Variants in SYT1 observed in about 807,000 individuals in gnomAD.
The protein encoded by SYT1 is synaptotagmin 1.
A neutral mutation model predicts 44.8 loss-of-function variants in SYT1; 8 were observed. That is an observed-to-expected ratio of 0.18 (90% CI 0.10 to 0.32). SYT1 has a LOEUF of 0.32. Among genes scored for constraint, SYT1 ranks in the 10% least tolerant of loss-of-function variants. The pLI is 1.00. For synonymous variants in SYT1, 154 were observed against 188.8 expected (o/e 0.82, Z 1.51); for missense variants, 286 against 509.3 (o/e 0.56, Z 4.22).
At chr12:79,338,085 C>T (rs1882170633) in intron 8 of SYT1, among the ~76,000 whole-genome samples, 1 of 152,134 alleles carries the variant, frequency 6.6e-6, no homozygotes, top group Admixed American at 6.6e-5. Context: ...CCATTAGTTT[C>T]TTTCCACTTC....
chr12:79,015,326 C>A (rs1183611873), intron 2 of SYT1, among the ~76,000 whole-genome samples: 1 of 152,130 alleles, frequency 6.6e-6, no homozygotes, highest in Non-Finnish European at 1.5e-5. Context: ...GCTGCATAGA[C>A]TGGACTCCAA....
At chr12:78,935,494 G>T (rs1878000904) in intron 1 of SYT1, among the ~76,000 whole-genome samples, 1 of 152,074 alleles carries the variant, frequency 6.6e-6, no homozygotes, top group African/African-American at 2.4e-5. Flanking sequence ...CAGAACAGAA[G>T]TAAGACCCTC....
intron 1 of SYT1, among the ~76,000 whole-genome samples, chr12:78,917,197 A>G (rs61929179): frequency 0.051 from 7,826 of 152,118 alleles, 308 homozygotes; most frequent in East Asian, 0.19. Context: ...TTGTGGCTAC[A>G]CAGAACAAAT....
chr12:79,433,054 A>AC (rs1565955762), intron 9 of SYT1, among the ~76,000 whole-genome samples: 1 of 152,152 alleles, frequency 6.6e-6, no homozygotes. Context: ...AATGAGAGTG[A>AC]TTTTTTTCAC....
At chr12:79,396,497 T>A (rs79822693) in intron 9 of SYT1, among the ~76,000 whole-genome samples, 2 of 152,030 alleles carry the variant, frequency 1.3e-5, no homozygotes, top group East Asian at 1.9e-4. Flanking sequence ...TAGGAAATAA[T>A]TATTTTTTGA....
At chr12:79,319,950 AG>A (rs1483919552) in intron 8 of SYT1, among the ~76,000 whole-genome samples, 3 of 152,210 alleles carry the variant, frequency 2.0e-5, no homozygotes, top group Non-Finnish European at 2.9e-5. Flanking sequence ...AGATCAGTGA[AG>A]TGTGTATTTT....
chr12:79,353,673 C>A (rs1882999101), intron 9 of SYT1, 54 bp downstream of exon 9: 7 of 1,284,988 alleles, frequency 5.4e-6, no homozygotes, highest in Non-Finnish European at 6.8e-6. Context: ...TCGTGGATAC[C>A]AAATGCATGG....
At chr12:78,982,914 C>T (rs1000919372) in intron 2 of SYT1, among the ~76,000 whole-genome samples, 1 of 152,120 alleles carries the variant, frequency 6.6e-6, no homozygotes, top group Non-Finnish European at 1.5e-5. Flanking sequence ...TAAACATCTA[C>T]AATGTCAGTT....
intron 2 of SYT1, among the ~76,000 whole-genome samples, chr12:78,997,820 C>T (rs1281985058): frequency 6.6e-6 from 1 of 152,124 alleles, no homozygotes; most frequent in African/African-American, 2.4e-5. Flanking sequence ...TCCCCTCACC[C>T]AGCAGCCTCA....
intron 3 of SYT1, among the ~76,000 whole-genome samples, chr12:79,201,653 C>A (rs1280106254): frequency 6.6e-6 from 1 of 152,120 alleles, no homozygotes; most frequent in Non-Finnish European, 1.5e-5. Context: ...TCCAACGATG[C>A]ATCATAGTTT....
intron 1 of SYT1, among the ~76,000 whole-genome samples, chr12:78,962,047 G>A (rs575239925): frequency 2.2e-4 from 34 of 152,060 alleles, no homozygotes; most frequent in Admixed American, 3.9e-4. Context: ...GTTTCTTCTC[G>A]TTTTTGTTTT....
intron 4 of SYT1, among the ~76,000 whole-genome samples, chr12:79,236,178 A>C (rs901494338): frequency 2.6e-5 from 4 of 152,304 alleles, no homozygotes; most frequent in African/African-American, 9.6e-5. Context: ...ATTGTACATA[A>C]ATCTTTCAGA....
intron 3 of SYT1, among the ~76,000 whole-genome samples, chr12:79,135,565 G>A (rs951849791): frequency 6.6e-6 from 1 of 152,060 alleles, no homozygotes; most frequent in African/African-American, 2.4e-5. Context: ...CACTTAAGAG[G>A]GGAAAAGCCT....
At chr12:79,204,013 G>T (rs1030726770) in intron 3 of SYT1, among the ~76,000 whole-genome samples, 5 of 152,142 alleles carry the variant, frequency 3.3e-5, no homozygotes, top group Non-Finnish European at 7.4e-5. Context: ...TTATTAGTAA[G>T]GCAGACTTCC....
chr12:78,942,365 A>G (rs7960304), intron 1 of SYT1, among the ~76,000 whole-genome samples: 23,088 of 151,988 alleles, frequency 0.15, 2,034 homozygotes, highest in East Asian at 0.32. Context: ...ACTTGCACAT[A>G]ATTATAACTA....
At chr12:79,347,679 A>T (rs1882670872) in intron 8 of SYT1, among the ~76,000 whole-genome samples, 1 of 152,210 alleles carries the variant, frequency 6.6e-6, no homozygotes, top group African/African-American at 2.4e-5. Context: ...GCATGTTCTC[A>T]TTCAGTAGGC....
chr12:79,349,664 C>T (rs1309187814), intron 8 of SYT1, among the ~76,000 whole-genome samples: 3 of 152,278 alleles, frequency 2.0e-5, no homozygotes, highest in Non-Finnish European at 4.4e-5. Flanking sequence ...ACTTGGGTAT[C>T]TTCTTTTTTC....
intron 3 of SYT1, among the ~76,000 whole-genome samples, chr12:79,187,678 A>ATC (rs1872882215): frequency 6.6e-6 from 1 of 152,146 alleles, no homozygotes; most frequent in Admixed American, 6.6e-5. Flanking sequence ...CCCTAGAAAT[A>ATC]GCTTTATCAC....
At chr12:79,237,165 A>G (rs2138638121) in intron 4 of SYT1, among the ~76,000 whole-genome samples, 1 of 152,324 alleles carries the variant, frequency 6.6e-6, no homozygotes, top group Non-Finnish European at 1.5e-5. Context: ...CATGCTGTTG[A>G]CAGGTGCTGT....
Sources: allele counts gnomAD v4.1 joint callset (sites outside exome capture counted in the v4.1 genomes callset), GRCh38; gene constraint gnomAD v4.1.1; transcripts MANE v1.5; gene names NCBI Gene and HGNC (gene_info 2026-07-23, HGNC 2026-07-21).